The following PEX11G variants were observed in gnomAD, a reference collection of about 807,000 sequenced individuals.
PEX11G encodes the protein peroxisomal biogenesis factor 11 gamma.
In PEX11G, 20 loss-of-function variants were observed where a neutral mutation model predicts 22.5. The ratio of observed to expected loss-of-function variants is 0.89; its 90% CI spans 0.62 to 1.29. The LOEUF is 1.29. Among genes scored for constraint, PEX11G ranks in the 50% most tolerant of loss-of-function variants. The pLI is 0.00. For missense variants in PEX11G, 347 were observed against 331.3 expected (o/e 1.05, Z -0.37); for synonymous variants, 141 against 154.5 (o/e 0.91, Z 0.65).
At position 7,477,003 on chromosome 19, in the gene PEX11G, C is replaced by T. The variant is rs947264599; in HGVS notation, c.*199G>A. 7 of 435,544 alleles carry T rather than the reference C, an allele frequency of 1.6e-5. No individual in the cohort carries two copies. Among genetic ancestry groups the T allele is most frequent in the South Asian group, 7.4e-5 (1 of 13,590 alleles). The allele number at this position is 435,544 out of a possible 1,614,324, so 27.0% of individuals were successfully genotyped here. On this transcript the variant is annotated 3_prime_UTR_variant, in exon 5 of 5. Coordinates refer to ENST00000221480, the MANE Select transcript of PEX11G (RefSeq NM_080662.4). The stretch of plus-strand genomic sequence containing the variant: ...CAGGAGGTGCTGCTGAAGCCCTGCA[C>T]GGCCCCTGAAAACTGTCACGGCTCA...
chr19:7,489,165 A>C (rs907845215), upstream of PEX11G: 42 of 1,140,616 alleles, frequency 3.7e-5, no homozygotes, highest in Admixed American at 8.0e-5. Context: ...GGAGGGACAG[A>C]GTTTGCAGAG....
Position 7,485,991 on chromosome 19 carries a change from A to T in PEX11G, c.96T>A (p.Gly32=), listed in dbSNP as rs754983372. The part of the protein sequence containing the change: ...RVLGYCCQLV[G]GVLVEQCPAR... The stretch of plus-strand genomic sequence containing the variant: ...CGGGACACTGTTCAACCAGAACTCC[A>T]CCAACCAGCTGGCAGCAGTACCCCA... Residue 32 remains glycine (G), a synonymous_variant, in exon 2 of 5, where the codon GGT becomes GGA. Coordinates refer to ENST00000221480, the MANE Select transcript of PEX11G (RefSeq NM_080662.4). 5.6e-6 allele frequency: 9 copies of T among 1,602,616 alleles called. No homozygotes were observed. Among genetic ancestry groups the T allele is most frequent in the Non-Finnish European group, 7.7e-6 (9 of 1,171,402 alleles).
At chr19:7,488,115 A>G (rs1193887863) in intron 1 of PEX11G, among the ~76,000 whole-genome samples, 2 of 152,252 alleles carry the variant, frequency 1.3e-5, no homozygotes, top group African/African-American at 4.8e-5. Flanking sequence ...GGGACAACCC[A>G]GGGACCAACT....
chr19:7,490,492 T>C (rs1354966708), upstream of PEX11G, among the ~76,000 whole-genome samples: 2 of 968 alleles, frequency 2.1e-3, no homozygotes, highest in Non-Finnish European at 0.011. Context: ...CCTGGGTAAT[T>C]TTTTTTTTTT....
intron 1 of PEX11G, among the ~76,000 whole-genome samples, chr19:7,494,928 G>T (rs1240384298): frequency 6.6e-6 from 1 of 152,180 alleles, no homozygotes; most frequent in African/African-American, 2.4e-5. Flanking sequence ...AGCAACGGCT[G>T]TTCCTTACCA....
At chr19:7,483,093 CCCG>C (rs1977578292) in intron 2 of PEX11G, among the ~76,000 whole-genome samples, 6 of 150,568 alleles carry the variant, frequency 4.0e-5, no homozygotes, top group Non-Finnish European at 5.9e-5. Flanking sequence ...CCCTTGGGAC[CCCG>C]CCCACCGTGA....
chr19:7,494,590 C>A (rs1461502806), intron 1 of PEX11G, among the ~76,000 whole-genome samples: 1 of 152,176 alleles, frequency 6.6e-6, no homozygotes, highest in African/African-American at 2.4e-5. Flanking sequence ...CAGCAGTGAG[C>A]TTTGCAGACA....
intron 1 of PEX11G, 64 bp downstream of exon 1, chr19:7,488,886 GT>G: frequency 6.6e-7 from 1 of 1,513,348 alleles, no homozygotes; most frequent in East Asian, 2.5e-5. Context: ...TCTCTGGCCC[GT>G]TTCCCAGTCT....
chr19:7,489,099 GCGCAGGCGCGGC>G, upstream of PEX11G: 1 of 1,355,526 alleles, frequency 7.4e-7, no homozygotes, highest in East Asian at 3.0e-5. Context: ...AAAGGCTTGC[GCGCAGGCGCGGC>G]CGCAGGCCTT....
intron 2 of PEX11G, among the ~76,000 whole-genome samples, chr19:7,485,178 G>T (rs995458460): frequency 1.6e-4 from 24 of 151,656 alleles, no homozygotes; most frequent in Admixed American, 3.3e-4. Context: ...TTTTTTGTTT[G>T]TTTTATTTGA....
intron 3 of PEX11G, among the ~76,000 whole-genome samples, chr19:7,481,800 AG>A (rs1977499572): frequency 6.6e-6 from 1 of 152,134 alleles, no homozygotes; most frequent in Non-Finnish European, 1.5e-5. Flanking sequence ...CAGAATCCTA[AG>A]ATAAGAAGTT....
At position 7,477,391 on chromosome 19, in the gene PEX11G, C is replaced by T. The variant is rs1977270780; in HGVS notation, c.537G>A (p.Gln179=). ...TGCTGAGAAGTGACAGCGCCTCCGACTGCATCTGCGCCTCCATGGCCCTCC... is the reference window on the plus strand; with the variant it reads ...TGCTGAGAAGTGACAGCGCCTCCGATTGCATCTGCGCCTCCATGGCCCTCC... The part of the protein sequence containing the change: ...GKRRAMEAQM[Q]SEALSLLSNL... The change falls in exon 5 of 5, where the codon CAG becomes CAA. Residue 179 remains glutamine, a synonymous_variant. Transcript: ENST00000221480. The T allele has an allele frequency of 6.5e-7, 1 of 1,541,230 alleles. No individual in the cohort carries two copies. The highest frequency in any genetic ancestry group is 8.7e-7 in the Non-Finnish European group (1 of 1,146,312).
At chr19:7,491,451 G>A (rs1302355527), upstream of PEX11G, among the ~76,000 whole-genome samples, 1 of 151,224 alleles carries the variant, frequency 6.6e-6, no homozygotes, top group Non-Finnish European at 1.5e-5. Flanking sequence ...TGTATTTGTA[G>A]TAGAGATGGA....
chr19:7,482,739 GCCACCGCACGC>G lies in PEX11G; in HGVS notation c.250-539_250-529del, dbSNP rs1289154260. 3.3e-5 allele frequency among the ~76,000 whole-genome samples: 5 copies of G among 152,310 alleles called. No homozygotes were observed. The East Asian group carries it at 7.7e-4, about 24-fold the overall frequency. On this transcript the variant is annotated intron_variant, in intron 2 of 4. Transcript: ENST00000221480. ...GCTGAGATGGTGTGCCAACCCTTGG[GCCACCGCACGC>G]CCACTGCTGACCACGCGCCAGGCAC...
chr19:7,488,841 C>T lies in PEX11G; in HGVS notation c.60+110G>A, dbSNP rs1056651115. Reference sequence around the variant, plus strand: ...CATTTGAGCCTAGCTCGGACGGGGCCTCTGCGACGGAGTATCCTGGGCGAC... The same window carrying T: ...CATTTGAGCCTAGCTCGGACGGGGCTTCTGCGACGGAGTATCCTGGGCGAC... On this transcript the variant is annotated intron_variant, in intron 1 of 4. Coordinates refer to ENST00000221480, the MANE Select transcript of PEX11G (RefSeq NM_080662.4). 3.5e-6 allele frequency: 4 copies of T among 1,139,842 alleles called. No homozygotes were observed. The African/African-American group carries it at 4.7e-5, about 13-fold the overall frequency. 70.6% of individuals were successfully genotyped at this position (1,139,842 alleles called of 1,614,324 possible).
upstream of PEX11G, among the ~76,000 whole-genome samples, chr19:7,490,811 A>C (rs1003761541): frequency 6.6e-6 from 1 of 150,974 alleles, no homozygotes; most frequent in Admixed American, 6.6e-5. Context: ...AACTACCCAC[A>C]AAAAAGGGGT....
intron 3 of PEX11G, among the ~76,000 whole-genome samples, chr19:7,480,883 G>C (rs1977459038): frequency 6.6e-6 from 1 of 152,132 alleles, no homozygotes; most frequent in Non-Finnish European, 1.5e-5. Context: ...CTGACTCAGC[G>C]CATTTGCAAA....
rs1236814204 is a variant in PEX11G at position 7,484,389 on chromosome 19, C to G, written c.249+1449G>C. Among the ~76,000 whole-genome samples the G allele has an allele frequency of 5.3e-5, 8 of 151,644 alleles. No homozygotes were observed. The South Asian group carries it at 1.7e-3, about 32-fold the overall frequency. On this transcript the variant is annotated intron_variant, in intron 2 of 4. Coordinates refer to ENST00000221480, the MANE Select transcript of PEX11G (RefSeq NM_080662.4). ...GAAAGATAAAGAAATGATGCCGAAG[C>G]TGTACCGTTAAGTGAAAAAAGCACT...
At chr19:7,490,284 C>T (rs147706156), upstream of PEX11G, among the ~76,000 whole-genome samples, 1 of 152,272 alleles carries the variant, frequency 6.6e-6, no homozygotes, top group East Asian at 1.9e-4. Flanking sequence ...CTCCCATGTA[C>T]ACATAAGGTA....
Sources: allele counts gnomAD v4.1 joint callset (sites outside exome capture counted in the v4.1 genomes callset), GRCh38; gene constraint gnomAD v4.1.1; transcripts MANE v1.5; gene names NCBI Gene and HGNC (gene_info 2026-07-23, HGNC 2026-07-21).